The following XYLT1 variants were observed in gnomAD, a reference collection of about 807,000 sequenced individuals.
The protein encoded by XYLT1 is xylosyltransferase 1.
A neutral mutation model predicts 91.3 loss-of-function variants in XYLT1; 36 were observed. The observed-to-expected ratio is 0.39, with a 90% CI of 0.30 to 0.52. XYLT1 has a LOEUF of 0.52. XYLT1 is among the 20% of genes least tolerant of loss of function. The probability of loss-of-function intolerance (pLI) is 0.68; values close to 1 mark genes in which losing one functional copy is unlikely to be tolerated. For missense variants in XYLT1, 1,242 were observed against 1,284.5 expected, an observed-to-expected ratio of 0.97 and a Z score of 0.51; for synonymous variants, 588 against 532.0, an observed-to-expected ratio of 1.11 and a Z score of -1.45.
chr16:17,427,227 A>G (rs1277271449), intron 1 of XYLT1, among the ~76,000 whole-genome samples: 1 of 152,256 alleles, frequency 6.6e-6, no homozygotes. Context: ...GAGGAAGTCT[A>G]AAATGTTGAC....
intron 3 of XYLT1, among the ~76,000 whole-genome samples, chr16:17,201,360 T>C (rs1216477517): frequency 3.9e-5 from 6 of 152,186 alleles, no homozygotes; most frequent in African/African-American, 9.7e-5. Context: ...ATGGGAATGC[T>C]GATTCTCCAT....
chr16:17,374,676 T>C (rs985173141), intron 1 of XYLT1, among the ~76,000 whole-genome samples: 2 of 149,768 alleles, frequency 1.3e-5, no homozygotes, highest in Non-Finnish European at 3.0e-5. Flanking sequence ...TCTTGTAACA[T>C]GAAAGTCAAA....
intron 1 of XYLT1, among the ~76,000 whole-genome samples, chr16:17,399,703 A>T (rs1394752167): frequency 6.6e-6 from 1 of 152,208 alleles, no homozygotes; most frequent in Non-Finnish European, 1.5e-5. Flanking sequence ...CTGCCACTAA[A>T]AGAAAAGCGG....
intron 1 of XYLT1, among the ~76,000 whole-genome samples, chr16:17,459,736 C>A (rs915254818): frequency 6.6e-6 from 1 of 152,174 alleles, no homozygotes; most frequent in Non-Finnish European, 1.5e-5. Context: ...CATCCTGCCC[C>A]CAAACCATAA....
intron 2 of XYLT1, among the ~76,000 whole-genome samples, chr16:17,334,895 C>CA (rs571153273): frequency 6.8e-6 from 1 of 147,360 alleles, no homozygotes; most frequent in Non-Finnish European, 1.5e-5. Context: ...AAAACAAAAA[C>CA]AAAAAAAAGA....
At chr16:17,150,812 CAG>C (rs1439153646) in intron 6 of XYLT1, among the ~76,000 whole-genome samples, 3 of 152,188 alleles carry the variant, frequency 2.0e-5, no homozygotes, top group South Asian at 2.1e-4. Context: ...AATAAAGAGA[CAG>C]GGACTTAATT....
chr16:17,231,616 A>G (rs903285620), intron 3 of XYLT1, among the ~76,000 whole-genome samples: 2 of 152,166 alleles, frequency 1.3e-5, no homozygotes, highest in African/African-American at 4.8e-5. Context: ...ACAAACCTAC[A>G]TGGGGTGGCT....
intron 5 of XYLT1, among the ~76,000 whole-genome samples, chr16:17,165,258 A>G (rs1033757256): frequency 2.0e-5 from 3 of 152,210 alleles, no homozygotes; most frequent in African/African-American, 4.8e-5. Context: ...TATTATATTT[A>G]TATCCATTTG....
intron 9 of XYLT1, among the ~76,000 whole-genome samples, chr16:17,132,193 G>A (rs1597140260): frequency 6.6e-6 from 1 of 152,210 alleles, no homozygotes; most frequent in Non-Finnish European, 1.5e-5. Flanking sequence ...TACATGCAGG[G>A]ATTCTGCTTC....
chr16:17,124,798 TTC>T (rs1468935154), intron 10 of XYLT1, among the ~76,000 whole-genome samples: 5 of 21,604 alleles, frequency 2.3e-4, no homozygotes, highest in South Asian at 1.4e-3. Flanking sequence ...TTTTTAAAAA[TTC>T]TTTTTTGTGT....
At chr16:17,449,422 C>T (rs764492542) in intron 1 of XYLT1, among the ~76,000 whole-genome samples, 1 of 152,230 alleles carries the variant, frequency 6.6e-6, no homozygotes, top group Non-Finnish European at 1.5e-5. Flanking sequence ...GCTGCGGGGA[C>T]GGGGCAGGCC....
Position 17,104,638 on chromosome 16 carries a change from G to GT in XYLT1, c.*4056dup, listed in dbSNP as rs1330494817. On this transcript the variant is annotated 3_prime_UTR_variant, in exon 12 of 12. Transcript: ENST00000261381. ...TGGAATTTTTCTTTGCCCACTATCT[G>GT]TTAAAAAAAACAAAAACAAACAAAC... The GT allele has an allele frequency of 6.6e-6, 1 of 151,802 alleles. No homozygotes were observed. Among genetic ancestry groups the GT allele is most frequent in the African/African-American group, 2.4e-5 (1 of 41,210 alleles). The allele number at this position is 151,802 out of a possible 1,614,324, so 9.4% of individuals were successfully genotyped here. A position where few individuals can be genotyped will look rare whatever the true frequency, so the allele number is the denominator to read the frequency against.
At chr16:17,211,402 G>C (rs1481512917) in intron 3 of XYLT1, among the ~76,000 whole-genome samples, 1 of 152,180 alleles carries the variant, frequency 6.6e-6, no homozygotes, top group Non-Finnish European at 1.5e-5. Flanking sequence ...AGGAGGGTTT[G>C]TCAGGAGTCT....
At chr16:17,455,091 T>A (rs1019465520) in intron 1 of XYLT1, among the ~76,000 whole-genome samples, 1 of 151,886 alleles carries the variant, frequency 6.6e-6, no homozygotes, top group Non-Finnish European at 1.5e-5. Flanking sequence ...ACAGACTGTA[T>A]GATTCCATTT....
chr16:17,136,965 C>T (rs886125762), intron 8 of XYLT1, among the ~76,000 whole-genome samples: 8 of 152,080 alleles, frequency 5.3e-5, no homozygotes, highest in East Asian at 1.9e-4. Context: ...CAGTGAGGGA[C>T]GGGTCCTCTC....
At chr16:17,467,159 G>A (rs561324064) in intron 1 of XYLT1, among the ~76,000 whole-genome samples, 12 of 152,166 alleles carry the variant, frequency 7.9e-5, no homozygotes, top group Non-Finnish European at 1.6e-4. Context: ...TATGTAGGGC[G>A]GCAGGCGGGG....
chr16:17,159,177 C>T (rs538909686), intron 5 of XYLT1, among the ~76,000 whole-genome samples: 48 of 152,220 alleles, frequency 3.2e-4, no homozygotes, highest in African/African-American at 1.1e-3. Flanking sequence ...TGTGGTGCTC[C>T]ACATGTTTGG....
chr16:17,276,389 G>GT (rs2033974843), intron 2 of XYLT1, among the ~76,000 whole-genome samples: 1 of 152,206 alleles, frequency 6.6e-6, no homozygotes, highest in South Asian at 2.1e-4. Flanking sequence ...TCGATTGGAA[G>GT]GCCACAGGAA....
intron 2 of XYLT1, among the ~76,000 whole-genome samples, chr16:17,324,049 A>ACAGG (rs961958801): frequency 3.9e-5 from 6 of 152,208 alleles, no homozygotes; most frequent in African/African-American, 1.4e-4. Flanking sequence ...TTTGTTTTAG[A>ACAGG]CAGGCACACT....
Sources: allele counts gnomAD v4.1 joint callset (sites outside exome capture counted in the v4.1 genomes callset), GRCh38; gene constraint gnomAD v4.1.1; transcripts MANE v1.5; gene names NCBI Gene and HGNC (gene_info 2026-07-23, HGNC 2026-07-21).